The following HIPK3 variants were observed in gnomAD, a reference collection of about 807,000 sequenced individuals.
HIPK3 encodes homeodomain-interacting protein kinase 3.
Under a neutral mutation model 124.2 loss-of-function variants are expected in HIPK3, and 47 were observed. The observed-to-expected ratio is 0.38, with a 90% CI of 0.30 to 0.48. The LOEUF is 0.48. Among genes scored for constraint, HIPK3 ranks in the 20% least tolerant of loss-of-function variants. The pLI is 0.98. For missense variants in HIPK3, 1,286 were observed against 1,454.3 expected, an observed-to-expected ratio of 0.88 and a Z score of 1.88; for synonymous variants, 482 against 515.2, an observed-to-expected ratio of 0.94 and a Z score of 0.87.
At chr11:33,266,494 C>CT (rs1400951755) in intron 1 of HIPK3, among the ~76,000 whole-genome samples, 2 of 152,092 alleles carry the variant, frequency 1.3e-5, no homozygotes, top group Non-Finnish European at 2.9e-5. Context: ...GGCCAGGAGT[C>CT]TGAGACCAGC....
At chr11:33,319,440 G>T (rs1852599018) in intron 2 of HIPK3, among the ~76,000 whole-genome samples, 1 of 150,902 alleles carries the variant, frequency 6.6e-6, no homozygotes, top group Non-Finnish European at 1.5e-5. Flanking sequence ...AGGTTGCAGT[G>T]AGCCGAGATT....
At chr11:33,295,905 C>G (rs561276742) in intron 2 of HIPK3, among the ~76,000 whole-genome samples, 17 of 152,284 alleles carry the variant, frequency 1.1e-4, no homozygotes, top group Non-Finnish European at 2.2e-4. Flanking sequence ...AGTACAATAT[C>G]TTGTGGAGAG....
intron 1 of HIPK3, among the ~76,000 whole-genome samples, chr11:33,260,898 T>G (rs972091149): frequency 6.6e-6 from 1 of 152,050 alleles, no homozygotes; most frequent in Non-Finnish European, 1.5e-5. Context: ...ATGTAGTATG[T>G]TTAACTTGGA....
chr11:33,268,542 AATTGCACCACTGC>A (rs1247994033), intron 1 of HIPK3, among the ~76,000 whole-genome samples: 7 of 149,106 alleles, frequency 4.7e-5, no homozygotes, highest in Non-Finnish European at 5.9e-5. Context: ...AGTGAGCTAG[AATTGCACCACTGC>A]ATTGCACCTT....
intron 6 of HIPK3, among the ~76,000 whole-genome samples, chr11:33,340,384 C>T (rs1450727898): frequency 6.6e-6 from 1 of 152,170 alleles, no homozygotes; most frequent in Non-Finnish European, 1.5e-5. Context: ...CCAAATCTTA[C>T]AAATTCTTTG....
chr11:33,276,572 C>G (rs1167273547), intron 1 of HIPK3, among the ~76,000 whole-genome samples: 2 of 152,152 alleles, frequency 1.3e-5, no homozygotes, highest in Non-Finnish European at 2.9e-5. Flanking sequence ...ACGGACTGAA[C>G]AGGTGACTGC....
intron 16 of HIPK3, among the ~76,000 whole-genome samples, chr11:33,352,879 A>T (rs1853706757): frequency 6.6e-6 from 1 of 152,138 alleles, no homozygotes; most frequent in Non-Finnish European, 1.5e-5. Flanking sequence ...TTTATATTAT[A>T]ATAATATGTA....
intron 2 of HIPK3, among the ~76,000 whole-genome samples, chr11:33,295,961 C>T (rs965962735): frequency 6.6e-6 from 1 of 152,180 alleles, no homozygotes; most frequent in African/African-American, 2.4e-5. Context: ...CTTGTATTCA[C>T]TGACCAATTT....
At chr11:33,290,421 T>A (rs1202682873) in intron 2 of HIPK3, among the ~76,000 whole-genome samples, 1 of 152,070 alleles carries the variant, frequency 6.6e-6, no homozygotes, top group Non-Finnish European at 1.5e-5. Context: ...TTTTTGTTTT[T>A]TTCTTTCCCT....
chr11:33,317,419 C>G (rs996637484), intron 2 of HIPK3, among the ~76,000 whole-genome samples: 2 of 151,928 alleles, frequency 1.3e-5, no homozygotes, highest in Non-Finnish European at 2.9e-5. Context: ...CACCACCATG[C>G]TCAGCTAATA....
At position 33,257,478 on chromosome 11, in the gene HIPK3, TCTC is replaced by T. The variant is rs1850696811; in HGVS notation, c.-412_-410del. The T allele has an allele frequency of 1.0e-6, 1 of 985,568 alleles. No individual in the cohort carries two copies. The highest frequency in any genetic ancestry group is 4.7e-5 in the South Asian group (1 of 21,296). The allele number at this position is 985,568 out of a possible 1,614,324, so 61.1% of individuals were successfully genotyped here. A position where few individuals can be genotyped will look rare whatever the true frequency, so the allele number is the denominator to read the frequency against. On this transcript the variant is annotated 5_prime_UTR_variant, in exon 1 of 17. Transcript: ENST00000303296. Reference sequence around the variant, plus strand: ...CGCCACCACTCCCGCCAGTCTTCCTTCTCCGCTCCCGGCCGGGGCGTCAGGAAT... The same window carrying T: ...CGCCACCACTCCCGCCAGTCTTCCTTCGCTCCCGGCCGGGGCGTCAGGAAT...
At chr11:33,287,577 T>G (rs1851592292) in intron 2 of HIPK3, 66 bp downstream of exon 2, 2 of 1,497,582 alleles carry the variant, frequency 1.3e-6, no homozygotes, top group African/African-American at 2.8e-5. Flanking sequence ...TGAAATACTT[T>G]TGTGTGTGTT....
intron 8 of HIPK3, among the ~76,000 whole-genome samples, chr11:33,343,080 G>A (rs1276941320): frequency 6.6e-6 from 1 of 152,136 alleles, no homozygotes; most frequent in Non-Finnish European, 1.5e-5. Flanking sequence ...AACAGTTGGT[G>A]CTGAGTCAGG....
intron 2 of HIPK3, among the ~76,000 whole-genome samples, chr11:33,322,600 C>G (rs951281952): frequency 4.6e-5 from 7 of 152,162 alleles, no homozygotes; most frequent in East Asian, 1.9e-4. Flanking sequence ...CCGAGGCAGG[C>G]AAATCACTTG....
At chr11:33,289,664 A>G (rs953075349) in intron 2 of HIPK3, among the ~76,000 whole-genome samples, 1 of 152,182 alleles carries the variant, frequency 6.6e-6, no homozygotes, top group African/African-American at 2.4e-5. Flanking sequence ...TTGTGTTACA[A>G]ACATTCCAGT....
chr11:33,290,456 A>T (rs1462664415), intron 2 of HIPK3, among the ~76,000 whole-genome samples: 1 of 151,826 alleles, frequency 6.6e-6, no homozygotes, highest in African/African-American at 2.4e-5. Flanking sequence ...TTCTGTCTTG[A>T]GAGCTTTTAG....
At chr11:33,305,775 T>G (rs10742293) in intron 2 of HIPK3, among the ~76,000 whole-genome samples, 101,236 of 152,024 alleles carry the variant, frequency 0.67, 33,991 homozygotes, top group Non-Finnish European at 0.72. Flanking sequence ...TCCTCATCTG[T>G]TTGGACCTTT....
chr11:33,295,287 C>CG (rs979596938), intron 2 of HIPK3, among the ~76,000 whole-genome samples: 2 of 145,946 alleles, frequency 1.4e-5, no homozygotes, highest in Non-Finnish European at 3.0e-5. Flanking sequence ...GCCCCCCCCC[C>CG]ACAACTCCAC....
At chr11:33,343,247 TTGTGTGTGTGTGTGTG>T (rs3884092) in intron 8 of HIPK3, among the ~76,000 whole-genome samples, 68 of 141,496 alleles carry the variant, frequency 4.8e-4, no homozygotes, top group East Asian at 3.5e-3. Flanking sequence ...TTATTTGATT[TTGTGTGTGTGTGTGTG>T]TGTGTGTGTG....
Sources: allele counts gnomAD v4.1 joint callset (sites outside exome capture counted in the v4.1 genomes callset), GRCh38; gene constraint gnomAD v4.1.1; transcripts MANE v1.5; gene names NCBI Gene and HGNC (gene_info 2026-07-23, HGNC 2026-07-21).